SLCO1C1: variants seen among roughly 807,000 people sequenced by gnomAD.
SLCO1C1 encodes OAT-RP-5.
SLCO1C1 carries 70 observed loss-of-function variants against 76.4 expected under a neutral mutation model. The ratio of observed to expected loss-of-function variants is 0.92; its 90% CI spans 0.76 to 1.12. The LOEUF is 1.12. Among genes scored for constraint, SLCO1C1 ranks in the 50% most tolerant of loss-of-function variants. SLCO1C1 has a pLI of 0.00. For synonymous variants in SLCO1C1, 306 were observed against 286.1 expected (o/e 1.07, Z -0.70); for missense variants, 912 against 823.8 (o/e 1.11, Z -1.31).
Position 20,733,248 on chromosome 12 carries a change from T to C in SLCO1C1, c.1382+144T>C, listed in dbSNP as rs137881576. On this transcript the variant is annotated intron_variant, in intron 10 of 14. Transcript: ENST00000266509. ...TATTTTATTGTGGAATAACTGACAATACCTAGAATCTGTTATTGTCACCAA... is the reference window on the plus strand; with the variant it reads ...TATTTTATTGTGGAATAACTGACAACACCTAGAATCTGTTATTGTCACCAA... 4,030 of 737,330 alleles carry C rather than the reference T, an allele frequency of 5.5e-3. 20 individuals carry two copies. The highest frequency in any genetic ancestry group is 6.7e-3 in the Non-Finnish European group (3,272 of 489,396). 45.7% of individuals were successfully genotyped at this position (737,330 alleles called of 1,614,324 possible). A position where few individuals can be genotyped will look rare whatever the true frequency, so the allele number is the denominator to read the frequency against.
intron 5 of SLCO1C1, among the ~76,000 whole-genome samples, chr12:20,714,068 A>G (rs935013865): frequency 6.6e-6 from 1 of 152,240 alleles, no homozygotes; most frequent in Non-Finnish European, 1.5e-5. Flanking sequence ...AAACTTTTCT[A>G]GAAGAGGCAG....
intron 9 of SLCO1C1, among the ~76,000 whole-genome samples, chr12:20,727,121 T>C (rs1948049580): frequency 6.6e-6 from 1 of 152,222 alleles, no homozygotes; most frequent in Non-Finnish European, 1.5e-5. Context: ...GGGTGACTGA[T>C]TCCACGTTTT....
intron 1 of SLCO1C1, among the ~76,000 whole-genome samples, chr12:20,699,225 C>G (rs183454534): frequency 6.6e-6 from 1 of 152,000 alleles, no homozygotes; most frequent in East Asian, 1.9e-4. Flanking sequence ...CTGCTTGCTC[C>G]TAGTTTAAAC....
At chr12:20,718,889 C>T (rs550282584) in intron 7 of SLCO1C1, among the ~76,000 whole-genome samples, 1 of 152,146 alleles carries the variant, frequency 6.6e-6, no homozygotes, top group Non-Finnish European at 1.5e-5. Flanking sequence ...AATGCACTCT[C>T]TTTCCTTTAA....
intron 4 of SLCO1C1, among the ~76,000 whole-genome samples, chr12:20,709,943 C>T (rs1217532712): frequency 7.0e-6 from 1 of 143,650 alleles, no homozygotes; most frequent in Admixed American, 7.4e-5. Flanking sequence ...AAACAGTTAA[C>T]CTCATTAAGT....
chr12:20,748,928 T>C (rs1388191791), intron 13 of SLCO1C1, among the ~76,000 whole-genome samples: 2 of 152,196 alleles, frequency 1.3e-5, no homozygotes, highest in African/African-American at 4.8e-5. Context: ...ACCAGTTTTC[T>C]CCATTGAAAA....
Position 20,717,130 on chromosome 12 carries a change from A to G in SLCO1C1, c.677-2A>G. ...TTTTTTCCTTTTCTTTTCTTGGTGC[A>G]GGGTGTGTGCAGACGGTTGCAATTA... On this transcript the variant is annotated splice_acceptor_variant, in intron 6 of 14. Coordinates refer to ENST00000266509, the MANE Select transcript of SLCO1C1 (RefSeq NM_017435.5). LOFTEE classifies it high-confidence loss of function. 1.9e-6 allele frequency: 3 copies of G among 1,597,014 alleles called. No homozygotes were observed. Among genetic ancestry groups the G allele is most frequent in the Non-Finnish European group, 1.7e-6 (2 of 1,173,940 alleles).
At chr12:20,704,982 A>G (rs931642855) in intron 3 of SLCO1C1, among the ~76,000 whole-genome samples, 9 of 152,004 alleles carry the variant, frequency 5.9e-5, no homozygotes, top group African/African-American at 2.2e-4. Context: ...TTGAGTTAGT[A>G]TTACAAATGC....
intron 11 of SLCO1C1, among the ~76,000 whole-genome samples, chr12:20,738,234 G>T (rs1453539972): frequency 6.6e-6 from 1 of 152,116 alleles, no homozygotes; most frequent in Non-Finnish European, 1.5e-5. Context: ...GAAAGCAATT[G>T]TGAAGGATGT....
chr12:20,702,837 T>C (rs763334647), intron 3 of SLCO1C1, among the ~76,000 whole-genome samples: 12 of 151,822 alleles, frequency 7.9e-5, no homozygotes, highest in Non-Finnish European at 1.5e-4. Flanking sequence ...TGTTTTGATG[T>C]TTTTCTCACT....
intron 5 of SLCO1C1, among the ~76,000 whole-genome samples, chr12:20,714,302 A>C (rs193189911): frequency 7.0e-4 from 107 of 152,360 alleles, no homozygotes; most frequent in South Asian, 5.8e-3. Flanking sequence ...AGCACGTAGC[A>C]GAGAAAGAAC....
intron 3 of SLCO1C1, among the ~76,000 whole-genome samples, chr12:20,705,054 G>A (rs184528088): frequency 7.2e-5 from 11 of 151,948 alleles, no homozygotes; most frequent in East Asian, 1.9e-4. Context: ...GCCAAGAATC[G>A]CATTTTTAAC....
At position 20,717,111 on chromosome 12, in the gene SLCO1C1, CCTTTT is replaced by C. The variant is rs1947397871; in HGVS notation, c.677-12_677-8del. On this transcript the variant is annotated splice_polypyrimidine_tract_variant and intron_variant, in intron 6 of 14. Transcript: ENST00000266509. ...AAAGAAATGACAGCTTTTTTTTTTT[CCTTTT>C]CTTTTCTTGGTGCAGGGTGTGTGCA... The C allele has an allele frequency of 5.3e-6, 8 of 1,507,992 alleles. No individual in the cohort carries two copies. The highest frequency in any genetic ancestry group is 2.5e-5 in the South Asian group (2 of 81,332). The allele number at this position is 1,507,992 out of a possible 1,614,324, so 93.4% of individuals were successfully genotyped here.
At chr12:20,741,366 A>G (rs937933743) in intron 12 of SLCO1C1, among the ~76,000 whole-genome samples, 7 of 152,198 alleles carry the variant, frequency 4.6e-5, no homozygotes, top group Admixed American at 3.3e-4. Flanking sequence ...AAATTGACAC[A>G]TAAAAATTTT....
intron 4 of SLCO1C1, among the ~76,000 whole-genome samples, chr12:20,710,327 C>T (rs1454382182): frequency 6.6e-6 from 1 of 150,994 alleles, no homozygotes; most frequent in Non-Finnish European, 1.5e-5. Flanking sequence ...CCTGCCTCAG[C>T]CTCCCAAGTA....
At chr12:20,731,038 G>A (rs751632445) in intron 9 of SLCO1C1, among the ~76,000 whole-genome samples, 8 of 152,110 alleles carry the variant, frequency 5.3e-5, no homozygotes, top group Admixed American at 2.0e-4. Flanking sequence ...CCCCCACCCC[G>A]GAGATGGCCA....
At chr12:20,715,997 T>C (rs150962187) in intron 6 of SLCO1C1, among the ~76,000 whole-genome samples, 442 of 152,262 alleles carry the variant, frequency 2.9e-3, no homozygotes, top group South Asian at 5.8e-3. Context: ...TAACTGTTAT[T>C]TTACCCTTTC....
At chr12:20,742,663 A>G (rs1948872939) in intron 12 of SLCO1C1, among the ~76,000 whole-genome samples, 1 of 151,018 alleles carries the variant, frequency 6.6e-6, no homozygotes, top group Non-Finnish European at 1.5e-5. Flanking sequence ...CCTCCTGAGT[A>G]GCTGGGACTA....
chr12:20,727,410 G>A (rs1000499602), intron 9 of SLCO1C1, among the ~76,000 whole-genome samples: 1 of 152,062 alleles, frequency 6.6e-6, no homozygotes, highest in Non-Finnish European at 1.5e-5. Flanking sequence ...GGTGTGAGAT[G>A]GTTTCTCATT....
Sources: allele counts gnomAD v4.1 joint callset (sites outside exome capture counted in the v4.1 genomes callset), GRCh38; gene constraint gnomAD v4.1.1; transcripts MANE v1.5; gene names NCBI Gene and HGNC (gene_info 2026-07-23, HGNC 2026-07-21).